CARD9: variants seen among roughly 807,000 people sequenced by gnomAD.
CARD9 encodes caspase recruitment domain family member 9.
Under a neutral mutation model 66.0 loss-of-function variants are expected in CARD9, and 53 were observed. The observed-to-expected ratio is 0.80, with a 90% CI of 0.64 to 1.01. The LOEUF is 1.01. Among genes scored for constraint, CARD9 ranks in the 50% least tolerant of loss-of-function variants. CARD9 has a pLI of 0.00. For synonymous variants in CARD9, 387 were observed against 313.8 expected (o/e 1.23, Z -2.47); for missense variants, 769 against 743.2 (o/e 1.03, Z -0.40).
rs200735402 is a variant in CARD9 at position 136,370,668 on chromosome 9, C to T, written c.661G>A (p.Glu221Lys). The change falls in exon 5 of 13, where the codon GAG becomes AAG. Residue 221 changes from glutamate to lysine, a missense_variant. By Grantham distance (56) the Glu-to-Lys change is moderately conservative (BLOSUM62 1). Coordinates refer to ENST00000371732, the MANE Select transcript of CARD9 (RefSeq NM_052813.5). The stretch of plus-strand genomic sequence containing the variant: ...TTGCGCTCCACCTTGCAGTCGTCCT[C>T]GGCCTTCATGAGGCTGTGCTTGAGC... ...DQLKHSLMKA[E>K]DDCKVERKHT... 250 of 1,612,764 alleles carry T rather than the reference C, an allele frequency of 1.6e-4. No individual in the cohort carries two copies. In the East Asian group the frequency reaches 4.9e-3, roughly 32 times the overall value.
At chr9:136,365,532 G>T (rs1433970277) in intron 10 of CARD9, 1 of 490,318 alleles carries the variant, frequency 2.0e-6, no homozygotes, top group Non-Finnish European at 3.7e-6. Context: ...TAAACCCTGG[G>T]CCTGAGCAGC....
At position 136,367,818 on chromosome 9, in the gene CARD9, G is replaced by A. The variant is rs757745178; in HGVS notation, c.1088C>T (p.Thr363Met). 7.5e-6 allele frequency: 12 copies of A among 1,600,356 alleles called. No individual in the cohort carries two copies. The highest frequency in any genetic ancestry group is 9.3e-6 in the Non-Finnish European group (11 of 1,178,502). Residue 363 changes from threonine to methionine, a missense_variant, in exon 8 of 13, where the codon ACG becomes ATG. Physicochemically the swap from Thr to Met is moderately conservative, Grantham distance 81. Coordinates refer to ENST00000371732, the MANE Select transcript of CARD9 (RefSeq NM_052813.5). ...GTGCTGTGCGTGCAGCTCCTCCCGC[G>A]TGGCTATGGCCTGACGGGACAGCAC... Reference protein sequence around the residue: ...VAIERDQAIATREELHAQHAR... With the variant: ...VAIERDQAIAMREELHAQHAR...
Position 136,370,651 on chromosome 9 carries a change from C to T in CARD9, c.678G>A (p.Val226=). The change falls in exon 5 of 13, where the codon GTG becomes GTA. Residue 226 remains valine (V), a synonymous_variant. Coordinates refer to ENST00000371732, the MANE Select transcript of CARD9 (RefSeq NM_052813.5). ...TGAGCTTCAGCGTGTGCTTGCGCTC[C>T]ACCTTGCAGTCGTCCTCGGCCTTCA... ...SLMKAEDDCK[V]ERKHTLKLRH... The T allele has an allele frequency of 2.5e-6, 4 of 1,612,792 alleles. No individual in the cohort carries two copies. Among genetic ancestry groups the T allele is most frequent in the Non-Finnish European group, 3.4e-6 (4 of 1,179,916 alleles).
intron 8 of CARD9, 60 bp from the exon 9 acceptor site, chr9:136,367,317 G>A: frequency 1.9e-6 from 3 of 1,572,406 alleles, no homozygotes; most frequent in South Asian, 2.3e-5. Context: ...CCAGGCACAG[G>A]GTGGGCAGGG....
At chr9:136,369,458 A>G (rs1048811454) in intron 7 of CARD9, among the ~76,000 whole-genome samples, 1 of 152,212 alleles carries the variant, frequency 6.6e-6, no homozygotes, top group African/African-American at 2.4e-5. Flanking sequence ...GGGGTGGGGA[A>G]GTATTGACTT....
chr9:136,372,188 T>C, intron 1 of CARD9, 94 bp from the exon 2 acceptor site: 1 of 1,523,398 alleles, frequency 6.6e-7, no homozygotes, highest in Non-Finnish European at 8.9e-7. Context: ...GCCAGGGCTC[T>C]CGTCAGGGCA....
rs1564365308 is a variant in CARD9, at chr9:136,363,973, G to A, written c.*329C>T. On this transcript the variant is annotated 3_prime_UTR_variant, in exon 13 of 13. Coordinates refer to ENST00000371732, the MANE Select transcript of CARD9 (RefSeq NM_052813.5). ...AGCGGGAATGCGGGTCACCCGTGCT[G>A]TTTATTTACGCAGCTGTGTTTTCTA... 1 of 1,134,908 alleles carries A rather than the reference G, an allele frequency of 8.8e-7. No homozygotes were observed. Among genetic ancestry groups the A allele is most frequent in the East Asian group, 2.6e-5 (1 of 39,086 alleles). 70.3% of individuals were successfully genotyped at this position (1,134,908 alleles called of 1,614,324 possible). A position where few individuals can be genotyped will look rare whatever the true frequency, so the allele number is the denominator to read the frequency against.
chr9:136,369,914 C>T (rs774389606), intron 6 of CARD9, 39 bp from the exon 7 acceptor site: 5 of 1,607,344 alleles, frequency 3.1e-6, no homozygotes, highest in South Asian at 1.1e-5. Flanking sequence ...AGGCCTGAGG[C>T]CCCCCATTCT....
In CARD9 at chr9:136,370,941, T is replaced by C. The variant is rs571629670; in HGVS notation, c.527A>G (p.Lys176Arg). Reference sequence around the variant, plus strand: ...GTCGTAGTTCTCCTCCTTGCAGCGCTTGAGCTCGCGGCTGCCGGCCTCGCA... The same window carrying C: ...GTCGTAGTTCTCCTCCTTGCAGCGCCTGAGCTCGCGGCTGCCGGCCTCGCA... ...EECEAGSREL[K>R]RCKEENYDLA... is the part of the protein sequence containing the mutation. The change falls in exon 4 of 13, where the codon AAG becomes AGG. Residue 176 changes from lysine (K) to arginine (R), a missense_variant. By Grantham distance (26) the Lys-to-Arg change is conservative. Coordinates refer to ENST00000371732, the MANE Select transcript of CARD9 (RefSeq NM_052813.5). 5 of 1,612,254 alleles carry C rather than the reference T, an allele frequency of 3.1e-6. No individual in the cohort carries two copies. In the East Asian group the frequency reaches 8.9e-5, roughly 29 times the overall value.
chr9:136,369,446 C>T (rs1302433554), intron 7 of CARD9, among the ~76,000 whole-genome samples: 1 of 152,134 alleles, frequency 6.6e-6, no homozygotes, highest in African/African-American at 2.4e-5. Flanking sequence ...TGACAGTAGG[C>T]TGGGGTGGGG....
At chr9:136,367,100 C>T (rs893745935) in intron 9 of CARD9, 116 bp downstream of exon 9, 12 of 1,288,538 alleles carry the variant, frequency 9.3e-6, no homozygotes, top group Admixed American at 5.9e-5. Context: ...CTCCACCCAG[C>T]CCAGCCCACC....
At position 136,370,920 on chromosome 9, in the gene CARD9, T is replaced by C. The variant is rs747120908; in HGVS notation, c.548A>G (p.Tyr183Cys). 17 of 1,612,166 alleles carry C rather than the reference T, an allele frequency of 1.1e-5. No homozygotes were observed. The highest frequency in any genetic ancestry group is 1.4e-5 in the Non-Finnish European group (16 of 1,179,702). Residue 183 changes from tyrosine to cysteine, a missense_variant, in exon 4 of 13, where the codon TAC becomes TGC. Physicochemically the swap from Tyr to Cys is radical, Grantham distance 194 (BLOSUM62 -2). Coordinates refer to ENST00000371732, the MANE Select transcript of CARD9 (RefSeq NM_052813.5). ...RELKRCKEEN[Y>C]DLAMRLAHQS... The stretch of plus-strand genomic sequence containing the variant: ...GTGCGCCAGGCGCATGGCCAGGTCG[T>C]AGTTCTCCTCCTTGCAGCGCTTGAG...
chr9:136,371,562 A>G, intron 2 of CARD9, 101 bp from the exon 3 acceptor site: 1 of 1,490,368 alleles, frequency 6.7e-7, no homozygotes, highest in Non-Finnish European at 9.0e-7. Flanking sequence ...TGGCATGCAG[A>G]TGAGGTGTGC....
At position 136,370,712 on chromosome 9, in the gene CARD9, T is replaced by C; in HGVS notation, c.628-11A>G. The C allele has an allele frequency of 6.2e-7, 1 of 1,612,646 alleles. No individual in the cohort carries two copies. The highest frequency in any genetic ancestry group is 8.5e-7 in the Non-Finnish European group (1 of 1,179,852). The stretch of plus-strand genomic sequence containing the variant: ...CTTGAGCTGGTCAATCTGCAGAAGG[T>C]CCAGTGAGCCTGGCTGTCCCCTCCA... On this transcript the variant is annotated splice_polypyrimidine_tract_variant and intron_variant, in intron 4 of 12. Coordinates refer to ENST00000371732, the MANE Select transcript of CARD9 (RefSeq NM_052813.5).
Position 136,364,027 on chromosome 9 carries a change from G to A in CARD9, c.*275C>T, listed in dbSNP as rs898450953. On this transcript the variant is annotated 3_prime_UTR_variant, in exon 13 of 13. Transcript: ENST00000371732. ...CTAATACAATGCATGCATGTATTGT[G>A]TGTTACATGGTGAAACAGAACAGAT... 1.4e-6 allele frequency: 2 copies of A among 1,428,090 alleles called. No individual in the cohort carries two copies. Among genetic ancestry groups the A allele is most frequent in the African/African-American group, 1.4e-5 (1 of 70,630 alleles). The allele number at this position is 1,428,090 out of a possible 1,614,324, so 88.5% of individuals were successfully genotyped here.
intron 7 of CARD9, chr9:136,368,038 C>G: frequency 1.4e-6 from 2 of 1,413,984 alleles, no homozygotes; most frequent in South Asian, 1.6e-5. Flanking sequence ...TGCTGCCCTT[C>G]TGTCTCCTCC....
chr9:136,367,791 G>A lies in CARD9; in HGVS notation c.1115C>T (p.Ala372Val). The part of the protein sequence containing the change: ...ATREELHAQH[A>V]RGLQEKDALR... ...CGCGTCCTTCTCCTGCAGGCCCCGG[G>A]CGTGCTGTGCGTGCAGCTCCTCCCG... The change falls in exon 8 of 13, where the codon GCC (alanine) becomes GTC (valine). Residue 372 changes from alanine (A) to valine (V), a missense_variant. Physicochemically the swap from Ala to Val is moderately conservative, Grantham distance 64. Coordinates refer to ENST00000371732, the MANE Select transcript of CARD9 (RefSeq NM_052813.5). 1 of 1,602,770 alleles carries A rather than the reference G, an allele frequency of 6.2e-7. No individual in the cohort carries two copies. The highest frequency in any genetic ancestry group is 8.5e-7 in the Non-Finnish European group (1 of 1,179,146).
intron 10 of CARD9, 98 bp from the exon 11 acceptor site, chr9:136,365,315 T>TC: frequency 8.6e-7 from 1 of 1,168,878 alleles, no homozygotes; most frequent in Non-Finnish European, 1.2e-6. Context: ...GGGGCTGTCT[T>TC]CCAAGGCCTG....
At chr9:136,367,443 C>T (rs1319052976) in intron 8 of CARD9, 186 bp from the exon 9 acceptor site, 1 of 914,018 alleles carries the variant, frequency 1.1e-6, no homozygotes, top group Non-Finnish European at 1.7e-6. Context: ...CCCACCCCGG[C>T]CCTGCAGCCC....
Sources: allele counts gnomAD v4.1 joint callset (sites outside exome capture counted in the v4.1 genomes callset), GRCh38; gene constraint gnomAD v4.1.1; transcripts MANE v1.5; gene names NCBI Gene and HGNC (gene_info 2026-07-23, HGNC 2026-07-21).